Variants in CRAMP1 observed in about 807,000 individuals in gnomAD.
The protein encoded by CRAMP1 is cramped chromatin regulator 1, also known as protein cramped-like.
A neutral mutation model predicts 115.4 loss-of-function variants in CRAMP1; 50 were observed. The observed-to-expected ratio is 0.43, with a 90% CI of 0.35 to 0.55. The LOEUF (loss-of-function observed/expected upper bound fraction) is 0.55. CRAMP1 is among the 20% of genes least tolerant of loss of function. The probability of loss-of-function intolerance (pLI) is 0.01; values close to 1 mark genes in which losing one functional copy is unlikely to be tolerated. For synonymous variants in CRAMP1, 866 were observed against 745.4 expected, an observed-to-expected ratio of 1.16 and a Z score of -2.64; for missense variants, 1,679 against 1,721.7, an observed-to-expected ratio of 0.98 and a Z score of 0.44.
Position 1,626,117 on chromosome 16 carries a change from A to G in CRAMP1, c.491A>G (p.Glu164Gly). The G allele has an allele frequency of 6.5e-7, 1 of 1,549,318 alleles. No homozygotes were observed. ...EEGKKVRRQW[E>G]SWSTEDKNTF... ...GGCAAAAAGGTCCGGCGGCAGTGGGAGTCGTGGAGCACAGAGGACAAGAAC... is the reference window on the plus strand; with the variant it reads ...GGCAAAAAGGTCCGGCGGCAGTGGGGGTCGTGGAGCACAGAGGACAAGAAC... The change falls in exon 3 of 21, where the codon GAG (glutamate) becomes GGG (glycine). Residue 164 changes from glutamate (E) to glycine (G), a missense_variant. By Grantham distance (98) the Glu-to-Gly change is moderately conservative. Around this residue, in one of 8 missense-constraint regions of CRAMP1, gnomAD observed 44 missense variants for 92.4 expected, o/e 0.48. Transcript: ENST00000397412.
At chr16:1,622,406 G>A (rs2036472751) in intron 2 of CRAMP1, among the ~76,000 whole-genome samples, 1 of 152,118 alleles carries the variant, frequency 6.6e-6, no homozygotes, top group South Asian at 2.1e-4. Flanking sequence ...CCAGCTACTC[G>A]AGAGGCTGGG....
intron 11 of CRAMP1, among the ~76,000 whole-genome samples, chr16:1,662,076 G>A (rs2036835716): frequency 1.3e-5 from 2 of 152,178 alleles, no homozygotes; most frequent in African/African-American, 2.4e-5. Flanking sequence ...TATTGTGCAC[G>A]GCTGAGTTGC....
intron 11 of CRAMP1, 23 bp from the exon 12 acceptor site, chr16:1,662,467 G>T: frequency 6.3e-7 from 1 of 1,598,010 alleles, no homozygotes; most frequent in South Asian, 1.1e-5. Context: ...CTGTCACACT[G>T]ATTCTCTCCT....
At chr16:1,655,523 T>C (rs1473213330) in intron 9 of CRAMP1, among the ~76,000 whole-genome samples, 1 of 152,160 alleles carries the variant, frequency 6.6e-6, no homozygotes, top group Non-Finnish European at 1.5e-5. Context: ...CAGCCAGCCC[T>C]CCACGATGTC....
chr16:1,617,343 A>G (rs1023375625), intron 2 of CRAMP1, among the ~76,000 whole-genome samples: 1 of 152,206 alleles, frequency 6.6e-6, no homozygotes, highest in Non-Finnish European at 1.5e-5. Context: ...CTCTGACACC[A>G]GTCTTTGGAG....
intron 6 of CRAMP1, chr16:1,645,344 G>A (rs1242980871): frequency 1.6e-5 from 4 of 250,744 alleles, no homozygotes; most frequent in African/African-American, 7.1e-5. Context: ...CCACCACCAC[G>A]CCCGGCTAAT....
In CRAMP1 at chr16:1,662,523, C is replaced by T; in HGVS notation, c.2447C>T (p.Pro816Leu). Residue 816 changes from proline (P) to leucine (L), a missense_variant, in exon 12 of 21, where the codon CCT (proline) becomes CTT (leucine). Physicochemically the swap from Pro to Leu is moderately conservative, Grantham distance 98. Coordinates refer to ENST00000397412, the MANE Select transcript of CRAMP1 (RefSeq NM_020825.4). Reference protein sequence around the residue: ...LRNPPRPLLVPGPSSTGSNDS... With the variant: ...LRNPPRPLLVLGPSSTGSNDS... ...AACCCTCCAAGACCCCTCTTGGTGC[C>T]TGGTCCCTCCAGCACAGGAAGCAAT... is the stretch of plus-strand genomic sequence containing the variant. 1 of 1,613,978 alleles carries T rather than the reference C, an allele frequency of 6.2e-7. No individual in the cohort carries two copies. Among genetic ancestry groups the T allele is most frequent in the Non-Finnish European group, 8.5e-7 (1 of 1,179,876 alleles).
At position 1,675,146 on chromosome 16, in the gene CRAMP1, T is replaced by C. The variant is rs904017053; in HGVS notation, c.*1101T>C. On this transcript the variant is annotated 3_prime_UTR_variant, in exon 21 of 21. Transcript: ENST00000397412. ...GGATGTGGTCAGACCTCACCAAATA[T>C]ATGCCTTCGTGGTGGTCTCCCTCCT... 6 of 152,254 alleles carry C rather than the reference T, an allele frequency of 3.9e-5. No individual in the cohort carries two copies. Among genetic ancestry groups the C allele is most frequent in the Admixed American group, 2.0e-4 (3 of 15,280 alleles). 9.4% of individuals were successfully genotyped at this position (152,254 alleles called of 1,614,324 possible).
At chr16:1,654,849 TCTC>T (rs1385608360) in intron 8 of CRAMP1, among the ~76,000 whole-genome samples, 1 of 152,198 alleles carries the variant, frequency 6.6e-6, no homozygotes. Context: ...CTCATGTACT[TCTC>T]CCTCAGAATG....
intron 6 of CRAMP1, among the ~76,000 whole-genome samples, chr16:1,649,456 G>T (rs1294562215): frequency 3.4e-5 from 5 of 145,698 alleles, no homozygotes; most frequent in South Asian, 2.1e-4. Flanking sequence ...TGCCAATTGG[G>T]ACCTCACTGT....
chr16:1,649,258 C>T (rs1021652514), intron 6 of CRAMP1, among the ~76,000 whole-genome samples: 1 of 152,072 alleles, frequency 6.6e-6, no homozygotes, highest in African/African-American at 2.4e-5. Context: ...GTTTGATTCC[C>T]AGCACTGAAG....
Position 1,656,489 on chromosome 16 carries a change from C to G in CRAMP1, c.1732C>G (p.Arg578Gly). ...GGACCTCATTGTCCCCGAGCAGTGC[C>G]GCTGTGCGGACACACGGCCTGGGAG... ...CQDLIVPEQC[R>G]CADTRPGSEQ... is the part of the protein sequence containing the mutation. The change falls in exon 10 of 21, where the codon CGC (arginine) becomes GGC (glycine). Residue 578 changes from arginine (R) to glycine (G), a missense_variant. Arg to Gly is a moderately radical substitution (Grantham distance 125, BLOSUM62 -2). Transcript: ENST00000397412. This position sits in a 1 kb window ranked among gnomAD's most constrained non-coding sequence, Gnocchi z 5.6. 2 of 1,575,892 alleles carry G rather than the reference C, an allele frequency of 1.3e-6. No homozygotes were observed. The highest frequency in any genetic ancestry group is 1.7e-6 in the Non-Finnish European group (2 of 1,161,606).
At position 1,672,281 on chromosome 16, in the gene CRAMP1, G is replaced by T. The variant is rs2036928986; in HGVS notation, c.3645+1472G>T. Among the ~76,000 whole-genome samples the T allele has an allele frequency of 6.6e-6, 1 of 152,206 alleles. No individual in the cohort carries two copies. The highest frequency in any genetic ancestry group is 1.5e-5 in the Non-Finnish European group (1 of 68,038). ...GTGCAGTTAGTATTTGTGAAACGCT[G>T]CCCGTCGCGAGTAATGCAAACGTGT... On this transcript the variant is annotated intron_variant, in intron 20 of 20. Coordinates refer to ENST00000397412, the MANE Select transcript of CRAMP1 (RefSeq NM_020825.4). This position sits in a 1 kb window ranked among gnomAD's most constrained non-coding sequence, Gnocchi z 4.9.
At chr16:1,670,535 C>G (rs2036913311) in intron 19 of CRAMP1, 129 bp from the exon 20 acceptor site, 1 of 967,464 alleles carries the variant, frequency 1.0e-6, no homozygotes, top group South Asian at 1.6e-5. Context: ...GCTCTTCGCA[C>G]AAGTCTGGAT....
In CRAMP1 at chr16:1,635,196, C is replaced by A. The variant is rs1436595645; in HGVS notation, c.695-2628C>A. 2.0e-5 allele frequency among the ~76,000 whole-genome samples: 3 copies of A among 152,284 alleles called. No homozygotes were observed. The East Asian group carries it at 5.8e-4, about 29-fold the overall frequency. ...TACAGGCGTGAGCCACCACGCCTGG[C>A]CTGTGCTTTGGAGTTTTGAAGAGCA... On this transcript the variant is annotated intron_variant, in intron 4 of 20. Coordinates refer to ENST00000397412, the MANE Select transcript of CRAMP1 (RefSeq NM_020825.4).
intron 20 of CRAMP1, 25 bp downstream of exon 20, chr16:1,670,834 C>T (rs1323935720): frequency 6.2e-7 from 1 of 1,610,694 alleles, no homozygotes. Flanking sequence ...CTCACAGCTG[C>T]ACCTGACCAC....
chr16:1,632,609 A>G (rs1002893435), intron 4 of CRAMP1, among the ~76,000 whole-genome samples: 1 of 152,222 alleles, frequency 6.6e-6, no homozygotes, highest in Non-Finnish European at 1.5e-5. Context: ...TTTCTGAGCT[A>G]TGGTTTGTGT....
At chr16:1,617,196 G>C (rs1388558942) in intron 2 of CRAMP1, among the ~76,000 whole-genome samples, 5 of 152,178 alleles carry the variant, frequency 3.3e-5, no homozygotes, top group Non-Finnish European at 7.3e-5. Context: ...AGTAGGAAGT[G>C]GGTCTCCTTT....
rs1460325983 is a variant in CRAMP1 at position 1,626,157 on chromosome 16, G to T, written c.531G>T (p.Gly177=). ...STEDKNTFFE[G]LYEHGKDFEA... is the part of the protein sequence containing the mutation. ...AGGACAAGAACACCTTCTTCGAGGG[G>T]CTGTACGAGGTGAGTAGGCTGTGGA... The change falls in exon 3 of 21, where the codon GGG becomes GGT. Residue 177 remains glycine (G), a synonymous_variant. Transcript: ENST00000397412. 2.6e-6 allele frequency: 4 copies of T among 1,514,274 alleles called. No homozygotes were observed. The highest frequency in any genetic ancestry group is 2.8e-5 in the African/African-American group (2 of 72,152). 93.8% of individuals were successfully genotyped at this position (1,514,274 alleles called of 1,614,324 possible).
Sources: gnomAD v4.1 joint callset for allele counts (sites outside exome capture counted in the v4.1 genomes callset) on GRCh38, gnomAD v4.1.1 for gene constraint, gnomAD v4.1.1 regional missense constraint, Gnocchi (gnomAD v3.1) non-coding constraint, MANE v1.5 for transcripts, NCBI Gene and HGNC (gene_info 2026-07-23, HGNC 2026-07-21) for gene names.